The following TMEM41B variants were observed in gnomAD, a reference collection of about 807,000 sequenced individuals.
TMEM41B encodes the protein transmembrane protein 41B.
In TMEM41B, 18 loss-of-function variants were observed where a neutral mutation model predicts 31.9. The observed-to-expected ratio is 0.56, with a 90% CI of 0.39 to 0.84. TMEM41B has a LOEUF of 0.84. Ranked by LOEUF, TMEM41B falls within the 40% of genes least tolerant of loss-of-function variation. TMEM41B has a pLI of 0.00. For missense variants in TMEM41B, 322 were observed against 348.0 expected, an observed-to-expected ratio of 0.93 and a Z score of 0.59; for synonymous variants, 144 against 124.3, an observed-to-expected ratio of 1.16 and a Z score of -1.05.
Position 9,283,004 on chromosome 11 carries a change from G to C in TMEM41B, c.*420C>G, listed in dbSNP as rs1199988172. On this transcript the variant is annotated 3_prime_UTR_variant, in exon 7 of 7. Coordinates refer to ENST00000528080, the MANE Select transcript of TMEM41B (RefSeq NM_015012.4). ...TCTCTTTTTAAGTTTTCCAGTTTATGCTCTGAAAAAAGCCTAACATTAACA... is the reference window on the plus strand; with the variant it reads ...TCTCTTTTTAAGTTTTCCAGTTTATCCTCTGAAAAAAGCCTAACATTAACA... 6.7e-6 allele frequency: 1 copy of C among 148,960 alleles called. No individual in the cohort carries two copies. Among genetic ancestry groups the C allele is most frequent in the Admixed American group, 6.7e-5 (1 of 14,858 alleles). The allele number at this position is 148,960 out of a possible 1,614,324, so 9.2% of individuals were successfully genotyped here.
chr11:9,293,594 AT>A (rs1853007947), intron 3 of TMEM41B, among the ~76,000 whole-genome samples: 1 of 151,546 alleles, frequency 6.6e-6, no homozygotes, highest in South Asian at 2.1e-4. Context: ...TGTTATTTTT[AT>A]TTTTTGGGGA....
rs187074877 is a variant in TMEM41B, at chr11:9,295,569, C to G, written c.240-182G>C. On this transcript the variant is annotated intron_variant, in intron 2 of 6. Transcript: ENST00000528080. ...TTGTTTTGAGACATAGAGTCTTGCT[C>G]TGTTGCCCAGGCTGCAGTGCAGTGG... 1.9e-3 allele frequency among the ~76,000 whole-genome samples: 293 copies of G among 152,280 alleles called. 2 individuals are homozygous for G. The highest frequency in any genetic ancestry group is 6.8e-3 in the African/African-American group (281 of 41,576).
intron 1 of TMEM41B, among the ~76,000 whole-genome samples, chr11:9,307,758 T>A (rs902261426): frequency 2.9e-4 from 43 of 150,872 alleles, no homozygotes; most frequent in African/African-American, 3.7e-4. Context: ...ATCATTTTTT[T>A]AATTTTATTT....
intron 1 of TMEM41B, 93 bp from the exon 2 acceptor site, chr11:9,299,794 G>A (rs572709513): frequency 2.6e-5 from 25 of 948,592 alleles, no homozygotes; most frequent in East Asian, 2.0e-4. Context: ...AGAAAATGGC[G>A]TGTGCTTTTG....
chr11:9,298,285 C>T (rs755285698), intron 2 of TMEM41B, among the ~76,000 whole-genome samples: 11 of 149,842 alleles, frequency 7.3e-5, no homozygotes, highest in Admixed American at 3.4e-4. Flanking sequence ...ATGGCAAAAC[C>T]GCATCTCTAC....
chr11:9,283,907 C>T (rs994777366), intron 6 of TMEM41B, among the ~76,000 whole-genome samples: 14 of 152,100 alleles, frequency 9.2e-5, no homozygotes, highest in African/African-American at 3.1e-4. Flanking sequence ...GCCTCAGCCT[C>T]CCGAGTAGCT....
chr11:9,281,207 A>G lies in TMEM41B; in HGVS notation c.*2217T>C, dbSNP rs1027396755. 4 of 152,180 alleles carry G rather than the reference A, an allele frequency of 2.6e-5. No individual in the cohort carries two copies. Among genetic ancestry groups the G allele is most frequent in the African/African-American group, 9.6e-5 (4 of 41,460 alleles). 9.4% of individuals were successfully genotyped at this position (152,180 alleles called of 1,614,324 possible). On this transcript the variant is annotated 3_prime_UTR_variant, in exon 7 of 7. Coordinates refer to ENST00000528080, the MANE Select transcript of TMEM41B (RefSeq NM_015012.4). ...GCTCTTTTATTTTTAAAATTCTGATAAAAATTTACTCAATTACATTTTATA... is the reference window on the plus strand; with the variant it reads ...GCTCTTTTATTTTTAAAATTCTGATGAAAATTTACTCAATTACATTTTATA...
chr11:9,302,092 C>T (rs1323209046), intron 1 of TMEM41B, among the ~76,000 whole-genome samples: 2 of 123,970 alleles, frequency 1.6e-5, no homozygotes, highest in Non-Finnish European at 3.5e-5. Context: ...CTGCAACCTC[C>T]GCCTCCCGGG....
chr11:9,284,404 A>G (rs569934158), intron 6 of TMEM41B, among the ~76,000 whole-genome samples: 1 of 152,088 alleles, frequency 6.6e-6, no homozygotes, highest in African/African-American at 2.4e-5. Context: ...CACACGCCTC[A>G]GCCTCCCAAA....
chr11:9,309,160 C>T (rs978766087), intron 1 of TMEM41B, among the ~76,000 whole-genome samples: 3 of 151,856 alleles, frequency 2.0e-5, no homozygotes, highest in African/African-American at 7.3e-5. Flanking sequence ...GGCGGAGAAT[C>T]GCTTGAATCT....
chr11:9,283,009 GA>G lies in TMEM41B; in HGVS notation c.*414del, dbSNP rs1251361140. 2.7e-5 allele frequency: 4 copies of G among 149,052 alleles called. No individual in the cohort carries two copies. The highest frequency in any genetic ancestry group is 4.4e-5 in the Non-Finnish European group (3 of 67,544). The allele number at this position is 149,052 out of a possible 1,614,324, so 9.2% of individuals were successfully genotyped here. On this transcript the variant is annotated 3_prime_UTR_variant, in exon 7 of 7. Transcript: ENST00000528080. ...TTTTAAGTTTTCCAGTTTATGCTCT[GA>G]AAAAAGCCTAACATTAACAAAACCT...
At chr11:9,285,844 C>T (rs1035144879) in intron 6 of TMEM41B, among the ~76,000 whole-genome samples, 10 of 150,764 alleles carry the variant, frequency 6.6e-5, no homozygotes, top group African/African-American at 2.4e-4. Flanking sequence ...GGGCTGGGTG[C>T]GGTGGCTCAC....
intron 3 of TMEM41B, among the ~76,000 whole-genome samples, chr11:9,294,659 C>A (rs1200637705): frequency 6.6e-6 from 1 of 152,006 alleles, no homozygotes; most frequent in East Asian, 1.9e-4. Context: ...AAATTAAGCA[C>A]CCACAGCTAA....
At position 9,281,471 on chromosome 11, in the gene TMEM41B, C is replaced by T. The variant is rs936721418; in HGVS notation, c.*1953G>A. The T allele has an allele frequency of 1.1e-4, 16 of 152,286 alleles. No individual in the cohort carries two copies. Among genetic ancestry groups the T allele is most frequent in the African/African-American group, 3.6e-4 (15 of 41,554 alleles). 9.4% of individuals were successfully genotyped at this position (152,286 alleles called of 1,614,324 possible). The stretch of plus-strand genomic sequence containing the variant: ...TGTGATAGAAAAAATAATCAGTCCA[C>T]ATCATGTAATAAAAACAGGCTTTGA... On this transcript the variant is annotated 3_prime_UTR_variant, in exon 7 of 7. Coordinates refer to ENST00000528080, the MANE Select transcript of TMEM41B (RefSeq NM_015012.4).
intron 2 of TMEM41B, 98 bp downstream of exon 2, chr11:9,299,486 G>C (rs1220641503): frequency 2.5e-6 from 2 of 815,652 alleles, no homozygotes; most frequent in Admixed American, 5.1e-5. Flanking sequence ...GCCTCCCAAA[G>C]TGTTGAGATT....
intron 1 of TMEM41B, among the ~76,000 whole-genome samples, chr11:9,312,551 A>G (rs1161502804): frequency 6.6e-6 from 1 of 152,120 alleles, no homozygotes; most frequent in Non-Finnish European, 1.5e-5. Context: ...GCACGCCTTC[A>G]CATCTCTTCC....
At chr11:9,300,885 A>C (rs565395154) in intron 1 of TMEM41B, among the ~76,000 whole-genome samples, 1 of 152,152 alleles carries the variant, frequency 6.6e-6, no homozygotes, top group East Asian at 1.9e-4. Context: ...CTCAAAAAAA[A>C]AAAAATTATA....
intron 1 of TMEM41B, among the ~76,000 whole-genome samples, chr11:9,307,183 C>G (rs923345478): frequency 6.6e-6 from 1 of 152,100 alleles, no homozygotes; most frequent in African/African-American, 2.4e-5. Context: ...AGGAATGACT[C>G]ACACTGGTCA....
intron 1 of TMEM41B, among the ~76,000 whole-genome samples, chr11:9,305,494 G>T (rs1853366890): frequency 6.6e-6 from 1 of 152,134 alleles, no homozygotes; most frequent in Non-Finnish European, 1.5e-5. Context: ...CAGCCACTGG[G>T]GAGGCTAAGG....
Sources: gnomAD v4.1 joint callset for allele counts (sites outside exome capture counted in the v4.1 genomes callset) on GRCh38, gnomAD v4.1.1 for gene constraint, MANE v1.5 for transcripts, NCBI Gene and HGNC (gene_info 2026-07-23, HGNC 2026-07-21) for gene names.